CSRNP2: variants seen among roughly 807,000 people sequenced by gnomAD.
CSRNP2 encodes cysteine/serine-rich nuclear protein 2.
In CSRNP2, 11 loss-of-function variants were observed where a neutral mutation model predicts 36.6. The observed-to-expected ratio is 0.30, with a 90% confidence interval of 0.19 to 0.50. The LOEUF (loss-of-function observed/expected upper bound fraction) is 0.50, where lower values mean the gene tolerates loss of function less well. Ranked by LOEUF, CSRNP2 falls within the 20% of genes least tolerant of loss-of-function variation. The probability of loss-of-function intolerance (pLI) is 0.98; values close to 1 mark genes in which losing one functional copy is unlikely to be tolerated. For missense variants in CSRNP2, 483 were observed against 691.4 expected (o/e 0.70, Z 3.38); for synonymous variants, 248 against 275.3 (o/e 0.90, Z 0.98).
rs1939292077 is a variant in CSRNP2 at position 51,074,035 on chromosome 12, G to A, written c.199C>T (p.Arg67Cys). The A allele has an allele frequency of 2.5e-6, 4 of 1,614,102 alleles. No homozygotes were observed. Among genetic ancestry groups the A allele is most frequent in the Non-Finnish European group, 2.5e-6 (3 of 1,180,048 alleles). Residue 67 changes from arginine (R) to cysteine (C), a missense_variant, in exon 3 of 5, where the codon CGC becomes TGC. Around this residue, in one of 2 missense-constraint regions of CSRNP2, gnomAD observed 206 missense variants for 367.8 expected, o/e 0.56. Coordinates refer to ENST00000228515, the MANE Select transcript of CSRNP2 (RefSeq NM_030809.3). ...RQKQLRRKNV[R>C]FDQVTVYYFA... ...TAGTATACAGTCACCTGGTCAAAGCGTACATTCTTCCTCCGCAGCTGCTTC... is the reference window on the plus strand; with the variant it reads ...TAGTATACAGTCACCTGGTCAAAGCATACATTCTTCCTCCGCAGCTGCTTC...
At position 51,073,861 on chromosome 12, in the gene CSRNP2, G is replaced by A; in HGVS notation, c.373C>T (p.His125Tyr). 4.3e-6 allele frequency: 7 copies of A among 1,614,040 alleles called. No homozygotes were observed. Among genetic ancestry groups the A allele is most frequent in the Non-Finnish European group, 5.1e-6 (6 of 1,180,008 alleles). Reference protein sequence around the residue: ...EVNHREILREHLKEEKLHAKK... With the variant: ...EVNHREILREYLKEEKLHAKK... ...GCATGGAGTTTCTCTTCCTTCAGGT[G>A]CTCACGCAGAATCTCTCGATGGTTC... is the stretch of plus-strand genomic sequence containing the variant. The change falls in exon 3 of 5, where the codon CAC becomes TAC. Residue 125 changes from histidine (H) to tyrosine (Y), a missense_variant. Coordinates refer to ENST00000228515, the MANE Select transcript of CSRNP2 (RefSeq NM_030809.3).
intron 3 of CSRNP2, 125 bp from the exon 4 acceptor site, chr12:51,068,094 A>C: frequency 1.2e-6 from 1 of 828,998 alleles, no homozygotes; most frequent in Non-Finnish European, 1.9e-6. Flanking sequence ...GCTGTCCAAA[A>C]TGATGGCAGC....
chr12:51,064,138 T>A lies in CSRNP2; in HGVS notation c.1240A>T (p.Ser414Cys). Residue 414 changes from serine (S) to cysteine (C), a missense_variant, in exon 5 of 5, where the codon AGT becomes TGT. This residue lies in a region of CSRNP2 where 277 missense variants were observed against 323.6 expected (regional missense o/e 0.86). Transcript: ENST00000228515. ...ACTTGATAATAGACCAGGGGCCCAC[T>A]GTTCAAGTAGGATGGGCTGTTCACC... ...STVNSPSYLN[S>C]GPLVYYQVEQ... The A allele has an allele frequency of 6.2e-7, 1 of 1,614,188 alleles. No homozygotes were observed. Among genetic ancestry groups the A allele is most frequent in the Non-Finnish European group, 8.5e-7 (1 of 1,180,034 alleles).
At chr12:51,072,576 A>C (rs1939218578) in intron 3 of CSRNP2, among the ~76,000 whole-genome samples, 1 of 145,522 alleles carries the variant, frequency 6.9e-6, no homozygotes, top group African/African-American at 2.5e-5. Flanking sequence ...AAAAAAAAAA[A>C]AAAAAAAAAA....
intron 1 of CSRNP2, among the ~76,000 whole-genome samples, chr12:51,079,495 G>A (rs1204464325): frequency 6.6e-6 from 1 of 151,850 alleles, no homozygotes; most frequent in East Asian, 1.9e-4. Context: ...GGGCACAGTG[G>A]CTCATGTCTG....
chr12:51,068,041 C>T (rs1465700804), intron 3 of CSRNP2, 72 bp from the exon 4 acceptor site: 4 of 1,416,900 alleles, frequency 2.8e-6, no homozygotes, highest in Non-Finnish European at 3.9e-6. Flanking sequence ...CATCCCAGAG[C>T]AGCACTGTCC....
At chr12:51,068,404 G>A (rs1001391367) in intron 3 of CSRNP2, among the ~76,000 whole-genome samples, 4 of 152,026 alleles carry the variant, frequency 2.6e-5, no homozygotes, top group Admixed American at 6.6e-5. Flanking sequence ...CACACACCTC[G>A]GCCTCCCAAA....
chr12:51,070,649 GATA>G (rs1939078784), intron 3 of CSRNP2, among the ~76,000 whole-genome samples: 1 of 152,126 alleles, frequency 6.6e-6, no homozygotes, highest in Non-Finnish European at 1.5e-5. Flanking sequence ...TACTATTCAT[GATA>G]ATGAGTTCCA....
chr12:51,064,540 T>C lies in CSRNP2; in HGVS notation c.838A>G (p.Ser280Gly). 1.9e-6 allele frequency: 3 copies of C among 1,613,344 alleles called. No homozygotes were observed. Among genetic ancestry groups the C allele is most frequent in the Non-Finnish European group, 2.5e-6 (3 of 1,179,642 alleles). ...LHTIMKLELESKRQVSRPAAP... is the reference protein window; with the variant it reads ...LHTIMKLELEGKRQVSRPAAP... ...GCTGGGCGGCTCACCTGCCGCTTGC[T>C]CTCCAGCTCCAGCTTCATAATGGTG... Residue 280 changes from serine to glycine, a missense_variant, in exon 5 of 5, where the codon AGC (serine) becomes GGC (glycine). Transcript: ENST00000228515.
intron 3 of CSRNP2, among the ~76,000 whole-genome samples, chr12:51,070,256 C>T (rs908472956): frequency 1.3e-5 from 2 of 152,098 alleles, no homozygotes; most frequent in Admixed American, 1.3e-4. Context: ...ATGCAATGGG[C>T]TTGGGTAATC....
intron 3 of CSRNP2, among the ~76,000 whole-genome samples, chr12:51,070,983 C>T (rs10876131): frequency 0.52 from 78,380 of 151,852 alleles, 20,995 homozygotes; most frequent in Non-Finnish European, 0.57. Context: ...AAAAACTGGC[C>T]GGACATGGTG....
intron 3 of CSRNP2, among the ~76,000 whole-genome samples, chr12:51,072,562 C>CAAAAAAAAAAAAAAAA: frequency 1.5e-5 from 1 of 66,924 alleles, no homozygotes. Flanking sequence ...GGCTCCGTCT[C>CAAAAAAAAAAAAAAAA]AAAAAAAAAA....
Position 51,076,612 on chromosome 12 carries a change from C to A in CSRNP2, c.-51G>T, listed in dbSNP as rs1939413502. On this transcript the variant is annotated 5_prime_UTR_variant, in exon 2 of 5. Transcript: ENST00000228515. The stretch of plus-strand genomic sequence containing the variant: ...AGCCCACCAAGTTGGCCCCAAAGCC[C>A]CTACTCACCACCAGCTAGCCAGGTA... 1 of 1,606,994 alleles carries A rather than the reference C, an allele frequency of 6.2e-7. No individual in the cohort carries two copies. The highest frequency in any genetic ancestry group is 1.7e-5 in the Admixed American group (1 of 59,824).
At chr12:51,074,149 G>T in intron 2 of CSRNP2, 67 bp from the exon 3 acceptor site, 2 of 1,507,752 alleles carry the variant, frequency 1.3e-6, no homozygotes, top group Non-Finnish European at 8.9e-7. Context: ...ATGGAGTCTC[G>T]CTCTGTTGCC....
chr12:51,073,207 A>G (rs1269440956), intron 3 of CSRNP2, among the ~76,000 whole-genome samples: 1 of 151,612 alleles, frequency 6.6e-6, no homozygotes, highest in East Asian at 2.0e-4. Flanking sequence ...TGACAGAGAG[A>G]GACCCTGTCT....
Position 51,067,708 on chromosome 12 carries a change from C to T in CSRNP2, c.673G>A (p.Ala225Thr). The change falls in exon 4 of 5, where the codon GCG becomes ACG. Residue 225 changes from alanine (A) to threonine (T), a missense_variant. Physicochemically the swap from Ala to Thr is moderately conservative, Grantham distance 58. Transcript: ENST00000228515. This position sits in a 1 kb window ranked among gnomAD's most constrained non-coding sequence, Gnocchi z 4.1. ...CDCRLYCDPE[A>T]CACSQAGIKC... is the part of the protein sequence containing the mutation. Reference sequence around the variant, plus strand: ...ATCCCAGCCTGGCTGCAGGCACACGCTTCTGGGTCACAATACAGTCGGCAG... The same window carrying T: ...ATCCCAGCCTGGCTGCAGGCACACGTTTCTGGGTCACAATACAGTCGGCAG... 1 of 1,614,126 alleles carries T rather than the reference C, an allele frequency of 6.2e-7. No individual in the cohort carries two copies. The highest frequency in any genetic ancestry group is 1.3e-5 in the African/African-American group (1 of 75,026).
intron 1 of CSRNP2, among the ~76,000 whole-genome samples, chr12:51,081,044 T>C (rs546343308): frequency 9.6e-4 from 146 of 152,268 alleles, no homozygotes; most frequent in Non-Finnish European, 1.7e-3. Flanking sequence ...TCCTAGCACT[T>C]TGGGAGGCCA....
intron 3 of CSRNP2, among the ~76,000 whole-genome samples, chr12:51,071,233 C>T (rs1939139362): frequency 1.4e-5 from 2 of 141,320 alleles, no homozygotes; most frequent in African/African-American, 5.3e-5. Context: ...GCACTCCAGC[C>T]TGGGCAACGG....
intron 4 of CSRNP2, among the ~76,000 whole-genome samples, chr12:51,066,488 A>G: frequency 6.6e-6 from 1 of 151,606 alleles, no homozygotes; most frequent in Non-Finnish European, 1.5e-5. Flanking sequence ...CAACAATACA[A>G]CAATTAGCCG....
Sources: allele counts gnomAD v4.1 joint callset (sites outside exome capture counted in the v4.1 genomes callset), GRCh38; gene constraint gnomAD v4.1.1; regional missense constraint gnomAD v4.1.1; non-coding constraint Gnocchi (gnomAD v3.1); transcripts MANE v1.5; gene names NCBI Gene and HGNC (gene_info 2026-07-23, HGNC 2026-07-21).